Variants in CCDC30 observed in about 807,000 individuals in gnomAD.
CCDC30 encodes the protein coiled-coil domain-containing protein 30.
In CCDC30, 70 loss-of-function variants were observed where a neutral mutation model predicts 100.2. The ratio of observed to expected loss-of-function variants is 0.70; its 90% CI spans 0.58 to 0.85. The LOEUF is 0.85. Ranked by LOEUF, CCDC30 falls within the 40% of genes least tolerant of loss-of-function variation. CCDC30 has a pLI of 0.00. For synonymous variants in CCDC30, 233 were observed against 269.5 expected, an observed-to-expected ratio of 0.86 and a Z score of 1.33; for missense variants, 652 against 771.2, an observed-to-expected ratio of 0.85 and a Z score of 1.83.
intron 11 of CCDC30, among the ~76,000 whole-genome samples, chr1:42,631,611 G>A (rs1557474453): frequency 6.6e-6 from 1 of 152,224 alleles, no homozygotes; most frequent in Non-Finnish European, 1.5e-5. Context: ...CCATCTGGGA[G>A]CCAGGGACTA....
rs1336566767 is a variant in CCDC30, at chr1:42,517,428, A to G, written c.456+18512A>G. ...CAAAAGTTTTTAGTTTTTATGCAAT[A>G]CAGTTTTTAAATTTTTCTTTTGTTG... On this transcript the variant is annotated intron_variant, in intron 6 of 16. Coordinates refer to ENST00000668663, the Ensembl canonical transcript of CCDC30. Among the ~76,000 whole-genome samples the G allele has an allele frequency of 2.6e-5, 4 of 152,200 alleles. No homozygotes were observed. In the East Asian group the frequency reaches 7.7e-4, roughly 29 times the overall value.
intron 15 of CCDC30, among the ~76,000 whole-genome samples, chr1:42,652,430 A>G (rs1461586313): frequency 6.6e-6 from 1 of 152,210 alleles, no homozygotes; most frequent in Non-Finnish European, 1.5e-5. Flanking sequence ...ATTCCATATT[A>G]TATATCATAG....
At chr1:42,604,824 A>T (rs1037220474) in intron 10 of CCDC30, among the ~76,000 whole-genome samples, 1 of 152,040 alleles carries the variant, frequency 6.6e-6, no homozygotes, top group Non-Finnish European at 1.5e-5. Context: ...CATTCAAAGG[A>T]CTCTGGATCT....
At chr1:42,569,026 A>G (rs1439655135) in intron 7 of CCDC30, 2 of 152,194 alleles carry the variant, frequency 1.3e-5, no homozygotes, top group Admixed American at 6.6e-5. Flanking sequence ...CTAAGAAACA[A>G]AAACACATGC....
intron 9 of CCDC30, among the ~76,000 whole-genome samples, chr1:42,584,819 C>A (rs542761793): frequency 1.6e-4 from 24 of 152,248 alleles, no homozygotes; most frequent in African/African-American, 5.3e-4. Context: ...GAGTTTGAAC[C>A]TGTTCATGAA....
chr1:42,654,885 G>T (rs1031172187), downstream of CCDC30, among the ~76,000 whole-genome samples: 6 of 151,084 alleles, frequency 4.0e-5, no homozygotes, highest in Non-Finnish European at 8.9e-5. Flanking sequence ...GCTAATTTTT[G>T]TATTTTTAGT....
chr1:42,556,669 A>G (rs1209285746), intron 6 of CCDC30, among the ~76,000 whole-genome samples: 1 of 152,216 alleles, frequency 6.6e-6, no homozygotes, highest in African/African-American at 2.4e-5. Context: ...TCTTTGAGTT[A>G]TCATATACAT....
chr1:42,497,698 C>A (rs1168925406), intron 5 of CCDC30, among the ~76,000 whole-genome samples: 2 of 151,950 alleles, frequency 1.3e-5, no homozygotes, highest in East Asian at 3.9e-4. Context: ...TAAGAAAATA[C>A]CTGGCATAAT....
chr1:42,642,022 G>C (rs367603377), intron 12 of CCDC30, among the ~76,000 whole-genome samples: 1 of 152,034 alleles, frequency 6.6e-6, no homozygotes, highest in Non-Finnish European at 1.5e-5. Context: ...TCAGGAGATC[G>C]AGACCATCCT....
At chr1:42,539,444 C>A in intron 6 of CCDC30, 134 bp downstream of exon 8, 1 of 567,730 alleles carries the variant, frequency 1.8e-6, no homozygotes, top group Non-Finnish European at 2.9e-6. Flanking sequence ...CATAAATTGC[C>A]ATATACTGCC....
At chr1:42,577,313 T>C (rs1195812085) in intron 8 of CCDC30, 84 bp downstream of exon 12, 1 of 892,524 alleles carries the variant, frequency 1.1e-6, no homozygotes, top group African/African-American at 1.7e-5. Flanking sequence ...AAGAAATAAA[T>C]ATGATGCAGA....
chr1:42,505,708 T>TTC (rs1644384411), intron 6 of CCDC30, among the ~76,000 whole-genome samples: 2 of 152,220 alleles, frequency 1.3e-5, no homozygotes, highest in Non-Finnish European at 2.9e-5. Flanking sequence ...GTTTTTATCC[T>TTC]TAAATACCTG....
At chr1:42,600,008 G>A (rs11210678) in intron 10 of CCDC30, among the ~76,000 whole-genome samples, 60,023 of 151,844 alleles carry the variant, frequency 0.4, 12,375 homozygotes, top group Non-Finnish European at 0.45. Context: ...AAACACTTTC[G>A]AACAACTGGA....
At chr1:42,533,516 A>T (rs1380927462) in intron 6 of CCDC30, among the ~76,000 whole-genome samples, 1 of 152,232 alleles carries the variant, frequency 6.6e-6, no homozygotes, top group Admixed American at 6.5e-5. Flanking sequence ...CCAGGAGCTG[A>T]TCCAGGTTTA....
intron 11 of CCDC30, among the ~76,000 whole-genome samples, chr1:42,614,051 G>A (rs1420655598): frequency 6.6e-6 from 1 of 151,686 alleles, no homozygotes; most frequent in Non-Finnish European, 1.5e-5. Context: ...TGATGGGGGA[G>A]AGAGGTTCTG....
chr1:42,476,997 C>G (rs372255911), intron 1 of CCDC30, among the ~76,000 whole-genome samples: 1 of 150,288 alleles, frequency 6.7e-6, no homozygotes, highest in Non-Finnish European at 1.5e-5. Flanking sequence ...ACTGGGTAGA[C>G]TGAATTTTCT....
At chr1:42,535,577 C>T (rs1056655280) in intron 6 of CCDC30, among the ~76,000 whole-genome samples, 3 of 146,014 alleles carry the variant, frequency 2.1e-5, no homozygotes, top group Non-Finnish European at 4.5e-5. Context: ...GGAGAGGGGT[C>T]GGCCGGGCAC....
At chr1:42,648,749 G>A (rs554500126) in intron 15 of CCDC30, among the ~76,000 whole-genome samples, 164 of 151,106 alleles carry the variant, frequency 1.1e-3, no homozygotes, top group Non-Finnish European at 1.6e-3. Context: ...GAAGATCAAT[G>A]AAACAAAAAG....
At chr1:42,641,557 C>CA (rs1216848447) in intron 12 of CCDC30, among the ~76,000 whole-genome samples, 13 of 147,070 alleles carry the variant, frequency 8.8e-5, no homozygotes, top group African/African-American at 2.0e-4. Flanking sequence ...TCTAAAAAAA[C>CA]AAAAAAACAA....
Sources: allele counts gnomAD v4.1 joint callset (sites outside exome capture counted in the v4.1 genomes callset), GRCh38; gene constraint gnomAD v4.1.1; transcripts MANE v1.5; gene names NCBI Gene and HGNC (gene_info 2026-07-23, HGNC 2026-07-21).